Variants in ARID5B observed in about 807,000 individuals in gnomAD.
ARID5B encodes AT-rich interaction domain 5B, also known as AT-rich interactive domain-containing protein 5B.
Under a neutral mutation model 97.2 loss-of-function variants are expected in ARID5B, and 13 were observed. The ratio of observed to expected loss-of-function variants is 0.13; its 90% CI spans 0.09 to 0.21. The LOEUF (loss-of-function observed/expected upper bound fraction) is 0.21, where lower values mean the gene tolerates loss of function less well. Among genes scored for constraint, ARID5B ranks in the 10% least tolerant of loss-of-function variants. ARID5B has a pLI of 1.00. For synonymous variants in ARID5B, 556 were observed against 570.3 expected, an observed-to-expected ratio of 0.97 and a Z score of 0.36; for missense variants, 1,210 against 1,465.3, an observed-to-expected ratio of 0.83 and a Z score of 2.84.
At chr10:61,941,880 A>G (rs1266843102) in intron 3 of ARID5B, among the ~76,000 whole-genome samples, 1 of 152,220 alleles carries the variant, frequency 6.6e-6, no homozygotes, top group African/African-American at 2.4e-5. Context: ...TTGTGAACAC[A>G]CAATAACTAG....
At chr10:62,005,081 G>A (rs1839129136) in intron 4 of ARID5B, among the ~76,000 whole-genome samples, 1 of 152,210 alleles carries the variant, frequency 6.6e-6, no homozygotes, top group South Asian at 2.1e-4. Context: ...GTGTTGGCCT[G>A]TCATCAGCTG....
chr10:62,003,148 A>G (rs539749111), intron 4 of ARID5B, among the ~76,000 whole-genome samples: 1 of 152,242 alleles, frequency 6.6e-6, no homozygotes, highest in Admixed American at 6.5e-5. Context: ...GCGATTATGG[A>G]GTAGGGGGTG....
chr10:61,959,751 A>G (rs1373355840), intron 3 of ARID5B, among the ~76,000 whole-genome samples: 1 of 152,162 alleles, frequency 6.6e-6, no homozygotes, highest in Non-Finnish European at 1.5e-5. Context: ...ATCTCAGCTA[A>G]GTTTTATTTA....
intron 3 of ARID5B, among the ~76,000 whole-genome samples, chr10:61,982,823 G>T (rs762519987): frequency 3.9e-5 from 6 of 152,200 alleles, no homozygotes; most frequent in Non-Finnish European, 7.3e-5. Flanking sequence ...ATAAGAAGAT[G>T]AGATTTTATT....
At chr10:62,008,096 ACACT>A in intron 4 of ARID5B, among the ~76,000 whole-genome samples, 1 of 135,404 alleles carries the variant, frequency 7.4e-6, no homozygotes, top group South Asian at 2.4e-4. Context: ...ACACACACAC[ACACT>A]GCCACATAAG....
rs61743750 is a variant in ARID5B at position 62,092,376 on chromosome 10, G to T, written c.2913G>T (p.Ser971=). 3 of 1,614,114 alleles carry T rather than the reference G, an allele frequency of 1.9e-6. No homozygotes were observed. The highest frequency in any genetic ancestry group is 8.5e-7 in the Non-Finnish European group (1 of 1,180,030). ...CAGGCCCTAAAAAATACCCTGAATCGCTTTCAAGATCAGGAAAACCTCACC... is the reference window on the plus strand; with the variant it reads ...CAGGCCCTAAAAAATACCCTGAATCTCTTTCAAGATCAGGAAAACCTCACC... ...TMSGPKKYPE[S]LSRSGKPHHV... is the part of the protein sequence containing the mutation. Residue 971 remains serine (S), a synonymous_variant, in exon 10 of 10, where the codon TCG becomes TCT. Transcript: ENST00000279873.
intron 3 of ARID5B, among the ~76,000 whole-genome samples, chr10:61,973,529 G>T (rs1188265312): frequency 6.6e-6 from 1 of 151,940 alleles, no homozygotes; most frequent in African/African-American, 2.4e-5. Context: ...GTTGCTCCAG[G>T]TTCCTGAAGA....
intron 7 of ARID5B, among the ~76,000 whole-genome samples, chr10:62,068,277 T>C (rs1036430064): frequency 1.3e-5 from 2 of 152,178 alleles, no homozygotes; most frequent in Non-Finnish European, 2.9e-5. Flanking sequence ...TGCTAGTAGA[T>C]GTAAGAGGTG....
intron 3 of ARID5B, among the ~76,000 whole-genome samples, chr10:61,956,853 CT>C (rs1228168233): frequency 6.6e-6 from 1 of 152,180 alleles, no homozygotes; most frequent in Non-Finnish European, 1.5e-5. Flanking sequence ...AGTCCTACTC[CT>C]CCTCCCAGAA....
intron 4 of ARID5B, among the ~76,000 whole-genome samples, chr10:62,017,255 C>A (rs1035749109): frequency 2.0e-5 from 3 of 152,096 alleles, no homozygotes; most frequent in Admixed American, 2.0e-4. Flanking sequence ...GAGTTGAAGA[C>A]CAGCCTGGCC....
Position 62,093,185 on chromosome 10 carries a change from C to A in ARID5B, c.*155C>A. Reference sequence around the variant, plus strand: ...GGGGCCCAGAGGGGAGGTGAACATGCCTGATTTTTGTGGGACAACTCTAGC... The same window carrying A: ...GGGGCCCAGAGGGGAGGTGAACATGACTGATTTTTGTGGGACAACTCTAGC... On this transcript the variant is annotated 3_prime_UTR_variant, in exon 10 of 10. Transcript: ENST00000279873. 1 of 1,189,092 alleles carries A rather than the reference C, an allele frequency of 8.4e-7. No homozygotes were observed. The highest frequency in any genetic ancestry group is 1.1e-6 in the Non-Finnish European group (1 of 876,418). 73.7% of individuals were successfully genotyped at this position (1,189,092 alleles called of 1,614,324 possible). A position where few individuals can be genotyped will look rare whatever the true frequency, so the allele number is the denominator to read the frequency against.
intron 4 of ARID5B, among the ~76,000 whole-genome samples, chr10:62,011,194 C>G (rs926889668): frequency 6.6e-6 from 1 of 152,122 alleles, no homozygotes. Context: ...CTCGTCCGGT[C>G]CCAGGCATGA....
intron 4 of ARID5B, among the ~76,000 whole-genome samples, chr10:62,027,546 C>T (rs1839438678): frequency 6.6e-6 from 1 of 151,778 alleles, no homozygotes; most frequent in South Asian, 2.1e-4. Context: ...ATCTCCTGAC[C>T]TGGTGATCTG....
At chr10:61,932,251 C>A (rs1417507327) in intron 2 of ARID5B, among the ~76,000 whole-genome samples, 2 of 152,012 alleles carry the variant, frequency 1.3e-5, no homozygotes, top group African/African-American at 4.8e-5. Context: ...TACCTTATTG[C>A]CAATAAATGC....
In ARID5B at chr10:62,090,943, A is replaced by G; in HGVS notation, c.1480A>G (p.Lys494Glu). ...IPEPLPAADM[K>E]KKIEGYQEFS... ...TGAGCCTCTCCCAGCAGCAGACATG[A>G]AGAAAAAAATAGAAGGGTATCAGGA... The change falls in exon 10 of 10, where the codon AAG becomes GAG. Residue 494 changes from lysine (K) to glutamate (E), a missense_variant. Coordinates refer to ENST00000279873, the MANE Select transcript of ARID5B (RefSeq NM_032199.3). 6.2e-7 allele frequency: 1 copy of G among 1,614,098 alleles called. No individual in the cohort carries two copies. The highest frequency in any genetic ancestry group is 2.2e-5 in the East Asian group (1 of 44,888).
chr10:62,068,245 G>A (rs1484661217), intron 7 of ARID5B, among the ~76,000 whole-genome samples: 1 of 152,156 alleles, frequency 6.6e-6, no homozygotes, highest in Non-Finnish European at 1.5e-5. Context: ...TAAATAAGGA[G>A]GATTTTATTT....
intron 2 of ARID5B, among the ~76,000 whole-genome samples, chr10:61,921,715 C>T (rs569497885): frequency 1.7e-4 from 26 of 152,168 alleles, no homozygotes; most frequent in Non-Finnish European, 3.7e-4. Flanking sequence ...GGACCATCTT[C>T]GAGGCCACCT....
At chr10:61,919,043 C>T (rs1305596422) in intron 2 of ARID5B, among the ~76,000 whole-genome samples, 2 of 118,924 alleles carry the variant, frequency 1.7e-5, no homozygotes, top group Admixed American at 1.6e-4. Flanking sequence ...CCGTCCCCCC[C>T]CCCCCCCCCA....
chr10:62,012,711 A>T (rs1564627464), intron 4 of ARID5B, among the ~76,000 whole-genome samples: 1 of 152,202 alleles, frequency 6.6e-6, no homozygotes, highest in East Asian at 1.9e-4. Context: ...AGTCTTTTTC[A>T]AAAGCACTTT....
Sources: allele counts gnomAD v4.1 joint callset (sites outside exome capture counted in the v4.1 genomes callset), GRCh38; gene constraint gnomAD v4.1.1; transcripts MANE v1.5; gene names NCBI Gene and HGNC (gene_info 2026-07-23, HGNC 2026-07-21).